Variants in DTNB observed in about 807,000 individuals in gnomAD.
DTNB encodes the protein dystrobrevin beta.
DTNB carries 63 observed loss-of-function variants against 90.7 expected under a neutral mutation model. That is an observed-to-expected ratio of 0.69 (90% CI 0.57 to 0.86). The LOEUF (loss-of-function observed/expected upper bound fraction) is 0.86. Among genes scored for constraint, DTNB ranks in the 40% least tolerant of loss-of-function variants. The probability of loss-of-function intolerance (pLI) is 0.00; values close to 1 mark genes in which losing one functional copy is unlikely to be tolerated. For synonymous variants in DTNB, 277 were observed against 286.7 expected, an observed-to-expected ratio of 0.97 and a Z score of 0.34; for missense variants, 744 against 807.1, an observed-to-expected ratio of 0.92 and a Z score of 0.95.
chr2:25,567,289 T>C (rs2059188995), intron 8 of DTNB, among the ~76,000 whole-genome samples: 1 of 152,216 alleles, frequency 6.6e-6, no homozygotes, highest in African/African-American at 2.4e-5. Context: ...TTATCTTTCA[T>C]AATTCAAGAG....
chr2:25,476,065 AT>A (rs35073594), intron 10 of DTNB, among the ~76,000 whole-genome samples: 3,834 of 127,688 alleles, frequency 0.03, 68 homozygotes, highest in South Asian at 0.063. Context: ...TCAAGAAGTA[AT>A]TTTTTTTTTT....
intron 8 of DTNB, among the ~76,000 whole-genome samples, chr2:25,566,934 A>T (rs1440214642): frequency 2.0e-5 from 3 of 152,212 alleles, no homozygotes; most frequent in Non-Finnish European, 2.9e-5. Context: ...ACAGACCATG[A>T]TAAAATGCTG....
At chr2:25,429,832 C>A (rs1207710522) in intron 14 of DTNB, among the ~76,000 whole-genome samples, 1 of 152,156 alleles carries the variant, frequency 6.6e-6, no homozygotes, top group Admixed American at 6.5e-5. Context: ...CTAATTATAT[C>A]TCCTATCACT....
At chr2:25,508,520 A>T (rs2384237) in intron 9 of DTNB, among the ~76,000 whole-genome samples, 1 of 133,494 alleles carries the variant, frequency 7.5e-6, no homozygotes, top group South Asian at 2.3e-4. Flanking sequence ...TTTTTTTGAG[A>T]TGGAGTTTCG....
chr2:25,380,088 A>T (rs535830569), intron 19 of DTNB, among the ~76,000 whole-genome samples: 1 of 152,168 alleles, frequency 6.6e-6, no homozygotes, highest in Non-Finnish European at 1.5e-5. Context: ...GCAGGGGTGA[A>T]TATGGCAGGG....
chr2:25,505,729 C>A lies in DTNB; in HGVS notation c.1002-22856G>T, dbSNP rs544503103. On this transcript the variant is annotated intron_variant, in intron 9 of 20. Transcript: ENST00000406818. Reference sequence around the variant, plus strand: ...CAACTACTGATAAAATTTAAAAGCACAAAAATTTAGAAATACAGCTTTATT... The same window carrying A: ...CAACTACTGATAAAATTTAAAAGCAAAAAAATTTAGAAATACAGCTTTATT... Among the ~76,000 whole-genome samples the A allele has an allele frequency of 6.0e-4, 91 of 152,094 alleles. 2 individuals carry two copies. The South Asian group carries it at 0.019, about 31-fold the overall frequency.
chr2:25,498,992 G>A (rs1407999996), intron 9 of DTNB, among the ~76,000 whole-genome samples: 1 of 151,856 alleles, frequency 6.6e-6, no homozygotes, highest in Non-Finnish European at 1.5e-5. Flanking sequence ...AAGGCGGGTG[G>A]ATCACCTGAG....
At chr2:25,619,799 T>C (rs1342682476) in intron 4 of DTNB, among the ~76,000 whole-genome samples, 1 of 152,114 alleles carries the variant, frequency 6.6e-6, no homozygotes, top group African/African-American at 2.4e-5. Context: ...CCTAGCACTT[T>C]GAGAGGCCGA....
intron 4 of DTNB, among the ~76,000 whole-genome samples, chr2:25,621,738 T>TGAGC (rs1042879684): frequency 1.3e-5 from 2 of 151,202 alleles, no homozygotes; most frequent in African/African-American, 4.9e-5. Context: ...ATTACAGGCA[T>TGAGC]GAGCCACTGC....
intron 4 of DTNB, among the ~76,000 whole-genome samples, chr2:25,625,551 ATTTTTTTT>A (rs66586812): frequency 3.1e-4 from 23 of 73,964 alleles, no homozygotes; most frequent in African/African-American, 9.7e-4. Flanking sequence ...TAACTCACTC[ATTTTTTTT>A]TTTTTTTTTT....
chr2:25,401,641 A>G (rs1477953409), intron 16 of DTNB, among the ~76,000 whole-genome samples: 1 of 152,246 alleles, frequency 6.6e-6, no homozygotes, highest in Non-Finnish European at 1.5e-5. Context: ...ATAGGGAAGA[A>G]TTTTTAATCC....
intron 10 of DTNB, among the ~76,000 whole-genome samples, chr2:25,481,134 C>T (rs150975252): frequency 1.5e-3 from 230 of 151,890 alleles, no homozygotes; most frequent in Non-Finnish European, 2.5e-3. Context: ...TATGGTGGCT[C>T]GTGCCCGTAA....
At chr2:25,587,663 A>T (rs1463000084) in intron 6 of DTNB, among the ~76,000 whole-genome samples, 1 of 152,248 alleles carries the variant, frequency 6.6e-6, no homozygotes, top group Non-Finnish European at 1.5e-5. Context: ...AAAAGAAAAC[A>T]ATCTTGAAGC....
intron 1 of DTNB, among the ~76,000 whole-genome samples, chr2:25,663,288 A>C (rs2083651731): frequency 6.6e-6 from 1 of 152,206 alleles, no homozygotes. Context: ...TGTATGTGCC[A>C]TATTTTCTTT....
At chr2:25,602,301 T>C (rs1356747388) in intron 5 of DTNB, among the ~76,000 whole-genome samples, 4 of 152,218 alleles carry the variant, frequency 2.6e-5, no homozygotes, top group African/African-American at 9.6e-5. Flanking sequence ...TTCTTCTTTT[T>C]TTCCCCTTAT....
intron 9 of DTNB, among the ~76,000 whole-genome samples, chr2:25,485,617 G>A (rs1202797240): frequency 1.3e-5 from 2 of 152,066 alleles, no homozygotes; most frequent in African/African-American, 4.8e-5. Flanking sequence ...TAGCCTTTCT[G>A]AACTCCTAAC....
intron 4 of DTNB, among the ~76,000 whole-genome samples, chr2:25,609,808 T>C (rs182327704): frequency 5.9e-5 from 9 of 151,380 alleles, no homozygotes; most frequent in African/African-American, 9.7e-5. Flanking sequence ...GTTCCCCAAG[T>C]GATTCAAAAC....
chr2:25,559,526 C>A (rs140852105), intron 8 of DTNB, among the ~76,000 whole-genome samples: 1 of 152,336 alleles, frequency 6.6e-6, no homozygotes, highest in Non-Finnish European at 1.5e-5. Flanking sequence ...CCCAAGTTGT[C>A]CCTCCTTCGC....
At chr2:25,559,897 A>T (rs2057989275) in intron 8 of DTNB, among the ~76,000 whole-genome samples, 1 of 152,212 alleles carries the variant, frequency 6.6e-6, no homozygotes, top group African/African-American at 2.4e-5. Context: ...AAGTCAAAGA[A>T]CGCCAACTGC....
Sources: allele counts gnomAD v4.1 joint callset (sites outside exome capture counted in the v4.1 genomes callset), GRCh38; gene constraint gnomAD v4.1.1; transcripts MANE v1.5; gene names NCBI Gene and HGNC (gene_info 2026-07-23, HGNC 2026-07-21).